The following AMT variants were observed in gnomAD, a reference collection of about 807,000 sequenced individuals.
The protein encoded by AMT is aminomethyltransferase, also known as aminomethyltransferase, mitochondrial.
In AMT, 24 loss-of-function variants were observed where a neutral mutation model predicts 39.5. That is an observed-to-expected ratio of 0.61 (90% CI 0.44 to 0.86). AMT has a LOEUF of 0.86. Ranked by LOEUF, AMT falls within the 40% of genes least tolerant of loss-of-function variation. The pLI is 0.00. For synonymous variants in AMT, 210 were observed against 212.1 expected (o/e 0.99, Z 0.09); for missense variants, 501 against 537.0 (o/e 0.93, Z 0.66).
chr3:49,422,469 C>A lies in AMT; in HGVS notation c.-19G>T. 6.8e-6 allele frequency: 11 copies of A among 1,610,656 alleles called. No individual in the cohort carries two copies. The highest frequency in any genetic ancestry group is 9.3e-6 in the Non-Finnish European group (11 of 1,178,616). On this transcript the variant is annotated 5_prime_UTR_variant, in exon 1 of 9. Coordinates refer to ENST00000273588, the MANE Select transcript of AMT (RefSeq NM_000481.4). ...TCTGCATCGTCGCCTGCAACGAGTG[C>A]AGACGGCGCACAGAGGCCACCACAC...
chr3:49,418,076 C>T (rs2049030738), intron 7 of AMT, 103 bp from the exon 8 acceptor site: 1 of 1,432,302 alleles, frequency 7.0e-7, no homozygotes, highest in East Asian at 2.5e-5. Context: ...CATCAAGGCC[C>T]CTTTGCTTGG....
rs762434060 is a variant in AMT at position 49,422,343 on chromosome 3, C to G, written c.90+18G>C. On this transcript the variant is annotated intron_variant, in intron 1 of 8. Coordinates refer to ENST00000273588, the MANE Select transcript of AMT (RefSeq NM_000481.4). ...GCTTCCCTCCCCCACCCTCCAAGAT[C>G]AGCACCCTCTATCCCACCTGTGCGC... 9.6e-6 allele frequency: 14 copies of G among 1,457,070 alleles called. No individual in the cohort carries two copies. In the South Asian group the frequency reaches 1.5e-4, roughly 15 times the overall value. 90.3% of individuals were successfully genotyped at this position (1,457,070 alleles called of 1,614,324 possible).
Position 49,419,313 on chromosome 3 carries a change from C to G in AMT, c.643G>C (p.Val215Leu), listed in dbSNP as rs1030915796. The change falls in exon 6 of 9, where the codon GTG (valine) becomes CTG (leucine). Residue 215 changes from valine to leucine, a missense_variant. Coordinates refer to ENST00000273588, the MANE Select transcript of AMT (RefSeq NM_000481.4). ...MTSAVMEVFG[V>L]SGCRVTRCGY... is the part of the protein sequence containing the mutation. ...CAGCGGGTCACGCGGCAGCCAGACACGCCAAACACCTCCATCACAGCACTG... is the reference window on the plus strand; with the variant it reads ...CAGCGGGTCACGCGGCAGCCAGACAGGCCAAACACCTCCATCACAGCACTG... 3 of 1,614,094 alleles carry G rather than the reference C, an allele frequency of 1.9e-6. No homozygotes were observed. Among genetic ancestry groups the G allele is most frequent in the African/African-American group, 2.7e-5 (2 of 74,938 alleles).
chr3:49,420,025 TG>T, intron 4 of AMT, 185 bp downstream of exon 4: 2 of 871,978 alleles, frequency 2.3e-6, no homozygotes, highest in Non-Finnish European at 3.6e-6. Context: ...TCCCCATGCC[TG>T]GTAATCCCCC....
Position 49,418,142 on chromosome 3 carries a change from A to G in AMT, c.878-169T>C, listed in dbSNP as rs1042108974. On this transcript the variant is annotated intron_variant, in intron 7 of 8. Transcript: ENST00000273588. Reference sequence around the variant, plus strand: ...GCCGTCAGCCAACCAACCACCTCCTATCCCCTGGAGGCCATGCTGCCCACC... The same window carrying G: ...GCCGTCAGCCAACCAACCACCTCCTGTCCCCTGGAGGCCATGCTGCCCACC... 6.4e-6 allele frequency: 5 copies of G among 779,974 alleles called. No individual in the cohort carries two copies. In the African/African-American group the frequency reaches 8.8e-5, roughly 14 times the overall value. The allele number at this position is 779,974 out of a possible 1,614,324, so 48.3% of individuals were successfully genotyped here. A position where few individuals can be genotyped will look rare whatever the true frequency, so the allele number is the denominator to read the frequency against.
rs2049030570 is a variant in AMT, at chr3:49,418,069, C to CA, written c.878-97dup. 2.1e-6 allele frequency: 3 copies of CA among 1,461,944 alleles called. No homozygotes were observed. The Admixed American group carries it at 5.9e-5, about 29-fold the overall frequency. 90.6% of individuals were successfully genotyped at this position (1,461,944 alleles called of 1,614,324 possible). On this transcript the variant is annotated intron_variant, in intron 7 of 8. Transcript: ENST00000273588. ...CCTCAAGTAACACACTATCTAGCATCAAGGCCCCTTTGCTTGGGCTACTCC... is the reference window on the plus strand; with the variant it reads ...CCTCAAGTAACACACTATCTAGCATCAAAGGCCCCTTTGCTTGGGCTACTCC...
chr3:49,418,955 T>G lies in AMT; in HGVS notation c.877+16A>C, dbSNP rs1575304563. ...TGACCTCCAGGACCCTATCCTTTAG[T>G]GCTGGCCCAGCTCACCCAGTGTCCA... On this transcript the variant is annotated intron_variant, in intron 7 of 8. Transcript: ENST00000273588. 4 of 1,613,518 alleles carry G rather than the reference T, an allele frequency of 2.5e-6. No individual in the cohort carries two copies. The highest frequency in any genetic ancestry group is 3.4e-6 in the Non-Finnish European group (4 of 1,179,926).
intron 2 of AMT, 168 bp downstream of exon 2, chr3:49,421,935 AG>A (rs2049109696): frequency 2.2e-6 from 2 of 916,160 alleles, no homozygotes; most frequent in Non-Finnish European, 3.5e-6. Context: ...AGACCCTCTG[AG>A]CTCATTTCCT....
chr3:49,419,554 TGTG>T (rs1253421533), intron 5 of AMT, 149 bp from the exon 6 acceptor site: 1 of 1,463,356 alleles, frequency 6.8e-7, no homozygotes, highest in Non-Finnish European at 9.5e-7. Context: ...CATGGAGCCT[TGTG>T]GTAGGTAGGA....
chr3:49,417,240 G>A lies in AMT; in HGVS notation c.*300C>T, dbSNP rs2049014209. 4 of 1,578,424 alleles carry A rather than the reference G, an allele frequency of 2.5e-6. No homozygotes were observed. The highest frequency in any genetic ancestry group is 2.6e-6 in the Non-Finnish European group (3 of 1,161,336). On this transcript the variant is annotated 3_prime_UTR_variant, in exon 9 of 9. Transcript: ENST00000273588. Reference sequence around the variant, plus strand: ...CTCCACAGCCAGCACCTGGCAGAGTGGGAGAGATGGCAGAACCAAAGCTTC... The same window carrying A: ...CTCCACAGCCAGCACCTGGCAGAGTAGGAGAGATGGCAGAACCAAAGCTTC...
At position 49,418,588 on chromosome 3, in the gene AMT, G is replaced by A. The variant is rs922281849; in HGVS notation, c.877+383C>T. On this transcript the variant is annotated intron_variant, in intron 7 of 8. Coordinates refer to ENST00000273588, the MANE Select transcript of AMT (RefSeq NM_000481.4). The stretch of plus-strand genomic sequence containing the variant: ...GCAATCTCGGCTCACTGCAAACTCC[G>A]CCGCCCAGGTTCATGCCATTCTCCT... 9 of 211,584 alleles carry A rather than the reference G, an allele frequency of 4.3e-5. No individual in the cohort carries two copies. The Admixed American group carries it at 4.9e-4, about 11-fold the overall frequency. The allele number at this position is 211,584 out of a possible 1,614,324, so 13.1% of individuals were successfully genotyped here. A position where few individuals can be genotyped will look rare whatever the true frequency, so the allele number is the denominator to read the frequency against.
In AMT at chr3:49,420,335, A is replaced by C. The variant is rs755871416; in HGVS notation, c.347T>G (p.Leu116Arg). 4 of 1,614,166 alleles carry C rather than the reference A, an allele frequency of 2.5e-6. No homozygotes were observed. Among genetic ancestry groups the C allele is most frequent in the Non-Finnish European group, 3.4e-6 (4 of 1,180,016 alleles). ...TCCAGCCTCGTTGGTAAACAGCGAC[A>C]GTGTCCCCTAGGACCAAAGTGGAGC... ...IAELRPNQGT[L>R]SLFTNEAGGI... Residue 116 changes from leucine (L) to arginine (R), a missense_variant, in exon 4 of 9, where the codon CTG becomes CGG. Transcript: ENST00000273588.
Position 49,422,191 on chromosome 3 carries a change from C to A in AMT, c.171G>T (p.Leu57=), listed in dbSNP as rs2107937565. Residue 57 remains leucine (L), a synonymous_variant, in exon 2 of 9, where the codon CTG becomes CTT. Transcript: ENST00000273588. The stretch of plus-strand genomic sequence containing the variant: ...TGTGACTGTCCCGGTACTGCACTGG[C>A]AGACTCCAACCCGCAAACGCCACCA... ...GKMVAFAGWS[L]PVQYRDSHTD... 2 of 1,614,008 alleles carry A rather than the reference C, an allele frequency of 1.2e-6. No individual in the cohort carries two copies. Among genetic ancestry groups the A allele is most frequent in the African/African-American group, 2.7e-5 (2 of 75,046 alleles).
Position 49,417,257 on chromosome 3 carries a change from C to A in AMT, c.*283G>T, listed in dbSNP as rs750695578. 3 of 1,595,134 alleles carry A rather than the reference C, an allele frequency of 1.9e-6. No individual in the cohort carries two copies. The African/African-American group carries it at 4.0e-5, about 21-fold the overall frequency. On this transcript the variant is annotated 3_prime_UTR_variant, in exon 9 of 9. Transcript: ENST00000273588. ...GGCAGAGTGGGAGAGATGGCAGAAC[C>A]AAAGCTTCTCATTACCCTCCAGCAG...
chr3:49,418,345 G>A, intron 7 of AMT: 1 of 318,352 alleles, frequency 3.1e-6, no homozygotes, highest in Non-Finnish European at 6.0e-6. Flanking sequence ...ACCACGCCTG[G>A]CTAATTTTTA....
chr3:49,420,016 C>T (rs2049072235), intron 4 of AMT, 195 bp downstream of exon 4: 1 of 838,602 alleles, frequency 1.2e-6, no homozygotes, highest in Non-Finnish European at 1.9e-6. Flanking sequence ...AAGACCCCCT[C>T]CCCATGCCTG....
In AMT at chr3:49,417,690, G is replaced by T. The variant is rs377227163; in HGVS notation, c.1062C>A (p.Pro354=). 146 of 1,614,056 alleles carry T rather than the reference G, an allele frequency of 9.0e-5. 1 individual carries two copies. The highest frequency in any genetic ancestry group is 1.3e-4 in the African/African-American group (10 of 75,020). The change falls in exon 9 of 9, where the codon CCC becomes CCA. Residue 354 remains proline, a synonymous_variant. Transcript: ENST00000273588. ...IGTVTSGCPS[P]SLKKNVAMGY... is the part of the protein sequence containing the mutation. ...CCATCGCCACATTCTTCTTCAGAGA[G>T]GGGGAGGGGCAGCCACTAGTCACAG...
rs1356238437 is a variant in AMT at position 49,422,188 on chromosome 3, T to C, written c.174A>G (p.Pro58=). The part of the protein sequence containing the change: ...KMVAFAGWSL[P]VQYRDSHTDS... ...CAGTGTGACTGTCCCGGTACTGCAC[T>C]GGCAGACTCCAACCCGCAAACGCCA... Residue 58 remains proline, a synonymous_variant, in exon 2 of 9, where the codon CCA becomes CCG. Transcript: ENST00000273588. The C allele has an allele frequency of 3.1e-6, 5 of 1,613,872 alleles. No homozygotes were observed. In the African/African-American group the frequency reaches 6.7e-5, roughly 22 times the overall value.
chr3:49,419,634 G>T, intron 5 of AMT, 76 bp downstream of exon 5: 1 of 1,505,998 alleles, frequency 6.6e-7, no homozygotes, highest in Non-Finnish European at 9.2e-7. Context: ...ATTCTTCTTG[G>T]TATGGCCTCT....
Sources: gnomAD v4.1 joint callset for allele counts on GRCh38, gnomAD v4.1.1 for gene constraint, MANE v1.5 for transcripts, NCBI Gene and HGNC (gene_info 2026-07-23, HGNC 2026-07-21) for gene names.